The following WRN variants were observed in gnomAD, a reference collection of about 807,000 sequenced individuals.
The protein encoded by WRN is WRN RecQ like helicase.
A neutral mutation model predicts 180.7 loss-of-function variants in WRN; 149 were observed. The observed-to-expected ratio is 0.82, with a 90% CI of 0.72 to 0.94. The LOEUF (loss-of-function observed/expected upper bound fraction) is 0.94, where lower values mean the gene tolerates loss of function less well. Among genes scored for constraint, WRN ranks in the 40% least tolerant of loss-of-function variants. The pLI is 0.00. For missense variants in WRN, 1,661 were observed against 1,700.1 expected (o/e 0.98, Z 0.40); for synonymous variants, 548 against 568.9 (o/e 0.96, Z 0.52).
chr8:31,143,056 T>TATTC (rs760602455), intron 27 of WRN, among the ~76,000 whole-genome samples: 1 of 115,590 alleles, frequency 8.7e-6, no homozygotes, highest in East Asian at 3.1e-4. Context: ...CACACACACA[T>TATTC]TCTCTCTCTC....
At chr8:31,152,033 C>A (rs78626226) in intron 31 of WRN, among the ~76,000 whole-genome samples, 2 of 151,844 alleles carry the variant, frequency 1.3e-5, no homozygotes, top group African/African-American at 4.8e-5. Flanking sequence ...TATATAAATA[C>A]ATTTTTTGAG....
At chr8:31,168,748 A>G (rs1803995556) in intron 34 of WRN, among the ~76,000 whole-genome samples, 1 of 152,196 alleles carries the variant, frequency 6.6e-6, no homozygotes, top group Non-Finnish European at 1.5e-5. Flanking sequence ...GTTAACATTC[A>G]TCTTCTCTAC....
intron 18 of WRN, among the ~76,000 whole-genome samples, chr8:31,111,161 CA>C (rs540923057): frequency 2.7e-5 from 4 of 145,514 alleles, no homozygotes; most frequent in African/African-American, 7.5e-5. Context: ...AATAGGAGGC[CA>C]AAAAAAAACG....
chr8:31,035,575 G>A (rs552114917), intron 1 of WRN, among the ~76,000 whole-genome samples: 2 of 152,266 alleles, frequency 1.3e-5, no homozygotes, highest in African/African-American at 4.8e-5. Flanking sequence ...ATTGAAAATT[G>A]GGGCTTTCAT....
intron 11 of WRN, 113 bp downstream of exon 11, chr8:31,085,359 T>G (rs772729266): frequency 8.9e-7 from 1 of 1,123,350 alleles, no homozygotes; most frequent in Non-Finnish European, 1.3e-6. Context: ...TTGCTACTAA[T>G]TATGTAACAT....
At chr8:31,140,003 GTTTTTTTTTTTTTTTTTTTT>G (rs71539917) in intron 24 of WRN, among the ~76,000 whole-genome samples, 1 of 62,102 alleles carries the variant, frequency 1.6e-5, no homozygotes, top group East Asian at 5.9e-4. Flanking sequence ...ATACTTCTTT[GTTTTTTTTTTTTTTTTTTTT>G]TTTTTTTTTT....
chr8:31,046,431 A>G (rs1811864404), intron 1 of WRN, among the ~76,000 whole-genome samples: 1 of 152,068 alleles, frequency 6.6e-6, no homozygotes, highest in African/African-American at 2.4e-5. Flanking sequence ...AAGAAAGAGG[A>G]TGGCTTTTGA....
intron 24 of WRN, among the ~76,000 whole-genome samples, chr8:31,136,907 T>C (rs1265657484): frequency 6.6e-6 from 1 of 152,184 alleles, no homozygotes; most frequent in African/African-American, 2.4e-5. Flanking sequence ...GTATAGCAGC[T>C]TTTTCATCAT....
chr8:31,129,768 A>T (rs769120211), intron 23 of WRN, among the ~76,000 whole-genome samples: 3 of 152,034 alleles, frequency 2.0e-5, no homozygotes, highest in Admixed American at 1.3e-4. Context: ...GCACTTTGGG[A>T]GGCCGAGGCT....
Position 31,154,734 on chromosome 8 carries a change from C to T in WRN, c.3798C>T (p.Phe1266=), listed in dbSNP as rs2130470574. 1.9e-6 allele frequency: 3 copies of T among 1,613,384 alleles called. No individual in the cohort carries two copies. The highest frequency in any genetic ancestry group is 1.3e-5 in the African/African-American group (1 of 74,972). ...SQSMAITYSL[F]QEKKMPLKSI... ...CTATGGCCATCACATACTCTTTATTCCAAGAAAAGAAGATGCCTTTGGTAA... is the reference window on the plus strand; with the variant it reads ...CTATGGCCATCACATACTCTTTATTTCAAGAAAAGAAGATGCCTTTGGTAA... The change falls in exon 32 of 35, where the codon TTC becomes TTT. Residue 1266 remains phenylalanine, a synonymous_variant. Transcript: ENST00000298139.
chr8:31,059,245 T>A lies in WRN; in HGVS notation c.189T>A (p.Ser63=), dbSNP rs1329935216. The A allele has an allele frequency of 1.9e-6, 3 of 1,613,632 alleles. No individual in the cohort carries two copies. In the South Asian group the frequency reaches 3.3e-5, roughly 18 times the overall value. The change falls in exon 3 of 35, where the codon TCT becomes TCA. Residue 63 remains serine (S), a synonymous_variant. Coordinates refer to ENST00000298139, the MANE Select transcript of WRN (RefSeq NM_000553.6). ...IVYSYDASDC[S]FLSEDISMSL... is the part of the protein sequence containing the mutation. ...ATAGTTACGATGCTAGTGATTGCTC[T>A]TTCCTGTCAGAAGATATTAGGTAAG...
intron 28 of WRN, among the ~76,000 whole-genome samples, chr8:31,144,511 A>G (rs1441764249): frequency 6.6e-6 from 1 of 151,748 alleles, no homozygotes; most frequent in Non-Finnish European, 1.5e-5. Flanking sequence ...TAATTTTTGT[A>G]TTTTTAGTAG....
Position 31,173,914 on chromosome 8 carries a change from T to G in WRN, c.*812T>G, listed in dbSNP as rs1804190218. On this transcript the variant is annotated 3_prime_UTR_variant, in exon 35 of 35. Coordinates refer to ENST00000298139, the MANE Select transcript of WRN (RefSeq NM_000553.6). ...ACAGAGTTGGGTAAACGATGATTATTTAACTTTAAGCAGTTCACCATCCAT... is the reference window on the plus strand; with the variant it reads ...ACAGAGTTGGGTAAACGATGATTATGTAACTTTAAGCAGTTCACCATCCAT... The G allele has an allele frequency of 6.6e-6, 1 of 152,214 alleles. No homozygotes were observed. Among genetic ancestry groups the G allele is most frequent in the Non-Finnish European group, 1.5e-5 (1 of 68,040 alleles). The allele number at this position is 152,214 out of a possible 1,614,324, so 9.4% of individuals were successfully genotyped here. A position where few individuals can be genotyped will look rare whatever the true frequency, so the allele number is the denominator to read the frequency against.
chr8:31,078,547 T>C (rs1813182371), intron 8 of WRN, among the ~76,000 whole-genome samples: 1 of 152,198 alleles, frequency 6.6e-6, no homozygotes, highest in African/African-American at 2.4e-5. Flanking sequence ...GCTGACAATC[T>C]GAAAGAGTGG....
chr8:31,161,645 C>G (rs1167474901), intron 33 of WRN, among the ~76,000 whole-genome samples: 1 of 152,016 alleles, frequency 6.6e-6, no homozygotes, highest in African/African-American at 2.4e-5. Flanking sequence ...TCAAGACCAG[C>G]CTGGCCAACA....
chr8:31,039,806 C>G (rs1461760993), intron 1 of WRN, among the ~76,000 whole-genome samples: 1 of 152,078 alleles, frequency 6.6e-6, no homozygotes, highest in Non-Finnish European at 1.5e-5. Context: ...TTGAAATGAT[C>G]ATGTATTTTT....
chr8:31,089,103 G>T (rs1455125209), intron 13 of WRN, 138 bp downstream of exon 13: 20 of 713,774 alleles, frequency 2.8e-5, no homozygotes, highest in Non-Finnish European at 4.8e-5. Flanking sequence ...TTTTCTGTGT[G>T]ACTACAAAAT....
At position 31,173,380 on chromosome 8, in the gene WRN, T is replaced by C. The variant is rs1804172874; in HGVS notation, c.*278T>C. The C allele has an allele frequency of 4.8e-6, 2 of 419,480 alleles. No individual in the cohort carries two copies. Among genetic ancestry groups the C allele is most frequent in the South Asian group, 5.9e-5 (2 of 33,922 alleles). 26.0% of individuals were successfully genotyped at this position (419,480 alleles called of 1,614,324 possible). On this transcript the variant is annotated 3_prime_UTR_variant, in exon 35 of 35. Transcript: ENST00000298139. Reference sequence around the variant, plus strand: ...ACTGTTACTGTCCTGTTTTCTAATCTCTTTATTAAAACAGTGTATTTGGAA... The same window carrying C: ...ACTGTTACTGTCCTGTTTTCTAATCCCTTTATTAAAACAGTGTATTTGGAA...
intron 9 of WRN, among the ~76,000 whole-genome samples, chr8:31,082,689 C>T (rs1054859293): frequency 2.6e-5 from 4 of 151,964 alleles, no homozygotes; most frequent in South Asian, 2.1e-4. Flanking sequence ...CTCTGCCTCC[C>T]CGGTTCAAGT....
Sources: gnomAD v4.1 joint callset for allele counts (sites outside exome capture counted in the v4.1 genomes callset) on GRCh38, gnomAD v4.1.1 for gene constraint, MANE v1.5 for transcripts, NCBI Gene and HGNC (gene_info 2026-07-23, HGNC 2026-07-21) for gene names.